ATP8A2: variants seen among roughly 807,000 people sequenced by gnomAD.
ATP8A2 encodes ATPase phospholipid transporting 8A2.
A neutral mutation model predicts 165.6 loss-of-function variants in ATP8A2; 100 were observed. That is an observed-to-expected ratio of 0.60 (90% CI 0.51 to 0.71). The LOEUF (loss-of-function observed/expected upper bound fraction) is 0.71, where lower values mean the gene tolerates loss of function less well. Ranked by LOEUF, ATP8A2 falls within the 30% of genes least tolerant of loss-of-function variation. ATP8A2 has a pLI of 0.00. For missense variants in ATP8A2, 1,227 were observed against 1,479.5 expected (o/e 0.83, Z 2.80); for synonymous variants, 543 against 548.8 (o/e 0.99, Z 0.15).
At chr13:25,661,179 G>T (rs985380238) in intron 24 of ATP8A2, among the ~76,000 whole-genome samples, 4 of 152,164 alleles carry the variant, frequency 2.6e-5, no homozygotes, top group African/African-American at 9.6e-5. Flanking sequence ...ATGCACAGGT[G>T]CTCTGACCCA....
intron 27 of ATP8A2, among the ~76,000 whole-genome samples, chr13:25,808,784 C>T (rs562619653): frequency 2.6e-5 from 4 of 152,152 alleles, no homozygotes; most frequent in African/African-American, 9.6e-5. Flanking sequence ...TATATTTCTA[C>T]TTAAAATTTT....
In ATP8A2 at chr13:25,769,189, G is replaced by A. The variant is rs1484880909; in HGVS notation, c.2528G>A (p.Gly843Asp). The A allele has an allele frequency of 1.2e-6, 2 of 1,613,758 alleles. No individual in the cohort carries two copies. Among genetic ancestry groups the A allele is most frequent in the Non-Finnish European group, 1.7e-6 (2 of 1,179,678 alleles). Residue 843 changes from glycine (G) to aspartate (D), a missense_variant, in exon 26 of 37, where the codon GGC becomes GAC. Around this residue, in one of 5 missense-constraint regions of ATP8A2, gnomAD observed 592 missense variants for 785.6 expected, o/e 0.75. Transcript: ENST00000381655. ...GGTGTGGGAATCAGTGGGAATGAAG[G>A]CATGCAGGCCACCAACAACTCGGAT... is the stretch of plus-strand genomic sequence containing the variant. ...HVGVGISGNE[G>D]MQATNNSDYA...
intron 2 of ATP8A2, among the ~76,000 whole-genome samples, chr13:25,502,968 T>C (rs369677500): frequency 2.0e-5 from 3 of 152,110 alleles, no homozygotes; most frequent in Non-Finnish European, 4.4e-5. Context: ...AAGAGACCAG[T>C]TGGGGAAGAC....
At chr13:25,499,244 T>C (rs990939474) in intron 2 of ATP8A2, among the ~76,000 whole-genome samples, 1 of 152,182 alleles carries the variant, frequency 6.6e-6, no homozygotes, top group Non-Finnish European at 1.5e-5. Context: ...AAGGTGAATG[T>C]GTTACTCACA....
chr13:25,391,002 A>C lies in ATP8A2; in HGVS notation c.76+18714A>C, dbSNP rs531911491. 7.9e-5 allele frequency among the ~76,000 whole-genome samples: 12 copies of C among 151,840 alleles called. No individual in the cohort carries two copies. In the East Asian group the frequency reaches 2.3e-3, roughly 29 times the overall value. ...CCTTAGGATTACTGAGTTGTGTTCT[A>C]TTATTATAGGGATGGACTGCAGTTT... is the stretch of plus-strand genomic sequence containing the variant. On this transcript the variant is annotated intron_variant, in intron 1 of 36. Transcript: ENST00000381655.
chr13:25,379,575 G>A (rs2032763116), intron 1 of ATP8A2, among the ~76,000 whole-genome samples: 1 of 152,162 alleles, frequency 6.6e-6, no homozygotes, highest in Non-Finnish European at 1.5e-5. Context: ...CCTTGTTTAA[G>A]TCTCTTCCAT....
intron 24 of ATP8A2, among the ~76,000 whole-genome samples, chr13:25,660,348 A>G (rs528797994): frequency 6.6e-6 from 1 of 152,324 alleles, no homozygotes; most frequent in South Asian, 2.1e-4. Flanking sequence ...AGAGTATTTA[A>G]CCCATCAACC....
At chr13:25,824,266 C>A (rs1014001654) in intron 27 of ATP8A2, among the ~76,000 whole-genome samples, 1 of 152,122 alleles carries the variant, frequency 6.6e-6, no homozygotes, top group African/African-American at 2.4e-5. Context: ...GTCACTGAAC[C>A]CTGCTAGCAG....
chr13:25,813,897 G>A lies in ATP8A2; in HGVS notation c.2680-14221G>A, dbSNP rs537558603. On this transcript the variant is annotated intron_variant, in intron 27 of 36. Transcript: ENST00000381655. ...AAGAGAGCAGAAGACTGACCCTCCT[G>A]TGAGTAAAAGTCCTCCTGCCTAGCT... Among the ~76,000 whole-genome samples the A allele has an allele frequency of 2.6e-5, 4 of 152,288 alleles. No individual in the cohort carries two copies. The South Asian group carries it at 8.3e-4, about 32-fold the overall frequency.
At chr13:25,601,401 T>C (rs758693379) in intron 24 of ATP8A2, among the ~76,000 whole-genome samples, 8 of 152,246 alleles carry the variant, frequency 5.3e-5, no homozygotes, top group Non-Finnish European at 1.2e-4. Context: ...GATGAAGGCT[T>C]TTTTGGGTTT....
At chr13:25,478,001 G>T (rs1338431688) in intron 2 of ATP8A2, among the ~76,000 whole-genome samples, 1 of 152,162 alleles carries the variant, frequency 6.6e-6, no homozygotes. Context: ...GTATCTGAGA[G>T]AATAGGAATG....
chr13:25,731,216 A>G, intron 25 of ATP8A2, among the ~76,000 whole-genome samples: 1 of 151,344 alleles, frequency 6.6e-6, no homozygotes, highest in Admixed American at 6.6e-5. Flanking sequence ...AGAGAAAGAG[A>G]AAGAAGAAAG....
At chr13:25,875,694 T>TTAGA in intron 33 of ATP8A2, among the ~76,000 whole-genome samples, 2 of 149,512 alleles carry the variant, frequency 1.3e-5, no homozygotes, top group African/African-American at 5.2e-5. Context: ...ATTTAAAATT[T>TTAGA]CAGCCCAACT....
intron 2 of ATP8A2, among the ~76,000 whole-genome samples, chr13:25,505,558 T>A (rs2037009812): frequency 6.6e-6 from 1 of 152,196 alleles, no homozygotes; most frequent in South Asian, 2.1e-4. Flanking sequence ...CCTTTATATT[T>A]TTTGTTCTCA....
At chr13:25,588,487 G>C (rs191962522) in intron 23 of ATP8A2, among the ~76,000 whole-genome samples, 1 of 152,154 alleles carries the variant, frequency 6.6e-6, no homozygotes, top group Non-Finnish European at 1.5e-5. Flanking sequence ...GCCACGTGTA[G>C]CATCTGTGAG....
intron 33 of ATP8A2, among the ~76,000 whole-genome samples, chr13:25,941,607 A>G (rs1199102471): frequency 1.3e-5 from 2 of 152,110 alleles, no homozygotes; most frequent in African/African-American, 4.8e-5. Context: ...ATCCTGACCA[A>G]TTGCTGCTTG....
At chr13:25,442,485 C>G (rs1444495825) in intron 1 of ATP8A2, among the ~76,000 whole-genome samples, 1 of 152,166 alleles carries the variant, frequency 6.6e-6, no homozygotes, top group Non-Finnish European at 1.5e-5. Context: ...GCAATTATGG[C>G]TCGCTGTAGC....
intron 25 of ATP8A2, among the ~76,000 whole-genome samples, chr13:25,742,869 A>T (rs1455373149): frequency 1.3e-5 from 2 of 152,054 alleles, no homozygotes; most frequent in Non-Finnish European, 2.9e-5. Flanking sequence ...GGATGTATAG[A>T]ACAGACAAGT....
At position 25,465,957 on chromosome 13, in the gene ATP8A2, A is replaced by G. The variant is rs1000367315; in HGVS notation, c.77-3020A>G. Among the ~76,000 whole-genome samples, 6 of 151,550 alleles carry G rather than the reference A, an allele frequency of 4.0e-5. No individual in the cohort carries two copies. In the East Asian group the frequency reaches 5.9e-4, roughly 15 times the overall value. On this transcript the variant is annotated intron_variant, in intron 1 of 36. Coordinates refer to ENST00000381655, the MANE Select transcript of ATP8A2 (RefSeq NM_016529.6). ...TTCTTTTCAGATGTTTCTTATGTCC[A>G]TCCTTTTATCCCAACCTCCATTTAA... is the stretch of plus-strand genomic sequence containing the variant.
Sources: allele counts gnomAD v4.1 joint callset (sites outside exome capture counted in the v4.1 genomes callset), GRCh38; gene constraint gnomAD v4.1.1; regional missense constraint gnomAD v4.1.1; transcripts MANE v1.5; gene names NCBI Gene and HGNC (gene_info 2026-07-23, HGNC 2026-07-21).